Variants in MED12L observed in about 807,000 individuals in gnomAD.
The protein encoded by MED12L is mediator of RNA polymerase II transcription subunit 12-like protein.
In MED12L, 60 loss-of-function variants were observed where a neutral mutation model predicts 281.3. That is an observed-to-expected ratio of 0.21 (90% CI 0.17 to 0.26). MED12L has a LOEUF of 0.26. MED12L is among the 10% of genes least tolerant of loss of function. MED12L has a pLI of 1.00. For missense variants in MED12L, 2,146 were observed against 2,680.9 expected, an observed-to-expected ratio of 0.80 and a Z score of 4.41; for synonymous variants, 974 against 987.2, an observed-to-expected ratio of 0.99 and a Z score of 0.25.
intron 5 of MED12L, among the ~76,000 whole-genome samples, chr3:151,153,602 T>C (rs1262399224): frequency 3.7e-5 from 5 of 136,404 alleles, no homozygotes; most frequent in African/African-American, 5.9e-5. Context: ...AGACTCTTGC[T>C]CTGTTGCCCA....
At chr3:151,373,708 T>C (rs1027522214) in intron 27 of MED12L, among the ~76,000 whole-genome samples, 6 of 152,296 alleles carry the variant, frequency 3.9e-5, no homozygotes, top group Admixed American at 3.9e-4. Flanking sequence ...GTTCAGACTG[T>C]CCCAGATTTG....
At chr3:151,099,681 C>T (rs538722769) in intron 2 of MED12L, among the ~76,000 whole-genome samples, 1 of 151,942 alleles carries the variant, frequency 6.6e-6, no homozygotes, top group South Asian at 2.1e-4. Context: ...TGGAAAACTA[C>T]TTGTTTAGAC....
At position 151,332,421 on chromosome 3, in the gene MED12L, G is replaced by C. The variant is rs1044803257; in HGVS notation, c.2251-17638G>C. ...ATTGTTTTAAAAATTCCATACAAGA[G>C]TAACTAAAAGTGGTAAACTAAAAGT... On this transcript the variant is annotated intron_variant, in intron 16 of 44. Transcript: ENST00000687756. Among the ~76,000 whole-genome samples the C allele has an allele frequency of 5.9e-5, 9 of 152,244 alleles. No homozygotes were observed. The East Asian group carries it at 1.2e-3, about 20-fold the overall frequency.
At chr3:151,242,728 C>T (rs544055857) in intron 16 of MED12L, among the ~76,000 whole-genome samples, 21 of 152,224 alleles carry the variant, frequency 1.4e-4, no homozygotes, top group African/African-American at 3.6e-4. Flanking sequence ...TCCAAAGGAA[C>T]GCAGTTCCTC....
intron 4 of MED12L, among the ~76,000 whole-genome samples, chr3:151,124,497 G>A (rs1358155489): frequency 1.3e-5 from 2 of 152,190 alleles, no homozygotes; most frequent in Non-Finnish European, 2.9e-5. Flanking sequence ...ATCTTCTTGA[G>A]ATGGTGAAAT....
intron 16 of MED12L, among the ~76,000 whole-genome samples, chr3:151,280,018 A>G (rs773346073): frequency 1.3e-5 from 2 of 152,078 alleles, no homozygotes; most frequent in Admixed American, 6.5e-5. Context: ...GGTGTTTCAC[A>G]TAGATGTTAT....
chr3:151,283,228 T>C (rs1743043177), intron 16 of MED12L, among the ~76,000 whole-genome samples: 1 of 152,232 alleles, frequency 6.6e-6, no homozygotes, highest in Non-Finnish European at 1.5e-5. Flanking sequence ...GATACTAACG[T>C]TGAGTCATGG....
intron 16 of MED12L, among the ~76,000 whole-genome samples, chr3:151,336,289 A>G (rs912185164): frequency 6.6e-6 from 1 of 152,190 alleles, no homozygotes; most frequent in South Asian, 2.1e-4. Context: ...CTGTCTCTGT[A>G]TCTCCACTGA....
At chr3:151,161,644 T>C (rs1720004027) in intron 8 of MED12L, among the ~76,000 whole-genome samples, 1 of 152,356 alleles carries the variant, frequency 6.6e-6, no homozygotes, top group Non-Finnish European at 1.5e-5. Context: ...CAACGTATGT[T>C]ATTAAGTCAT....
chr3:151,132,242 G>T (rs558285104), intron 5 of MED12L, among the ~76,000 whole-genome samples: 1 of 152,200 alleles, frequency 6.6e-6, no homozygotes, highest in African/African-American at 2.4e-5. Context: ...ACTTTTATCA[G>T]TGCTGCCACT....
At chr3:151,159,158 T>C (rs1391902561) in intron 7 of MED12L, among the ~76,000 whole-genome samples, 4 of 152,268 alleles carry the variant, frequency 2.6e-5, no homozygotes, top group Non-Finnish European at 4.4e-5. Context: ...GGGGATCTTC[T>C]ACATTCTTTT....
intron 5 of MED12L, among the ~76,000 whole-genome samples, chr3:151,136,697 C>T (rs1716183963): frequency 6.6e-6 from 1 of 152,126 alleles, no homozygotes; most frequent in Admixed American, 6.5e-5. Context: ...TTGGGAATGG[C>T]AAGATGTAGG....
At chr3:151,226,644 G>C (rs1373823343) in intron 16 of MED12L, among the ~76,000 whole-genome samples, 1 of 152,082 alleles carries the variant, frequency 6.6e-6, no homozygotes, top group Non-Finnish European at 1.5e-5. Context: ...GTGCATGTGT[G>C]TATGTTTGAG....
intron 16 of MED12L, among the ~76,000 whole-genome samples, chr3:151,195,175 G>A (rs187641992): frequency 2.0e-5 from 3 of 152,150 alleles, no homozygotes; most frequent in Admixed American, 2.0e-4. Flanking sequence ...AATAGAAAAA[G>A]TAATTGTAGA....
At chr3:151,323,457 A>G (rs1368065063) in intron 16 of MED12L, among the ~76,000 whole-genome samples, 2 of 152,124 alleles carry the variant, frequency 1.3e-5, no homozygotes, top group Admixed American at 6.6e-5. Flanking sequence ...TCCCAAATGT[A>G]TTCCCTATGT....
At chr3:151,192,700 T>C (rs2149104569) in intron 15 of MED12L, 46 bp downstream of exon 15, 1 of 1,181,328 alleles carries the variant, frequency 8.5e-7, no homozygotes, top group Non-Finnish European at 1.2e-6. Flanking sequence ...AATTAACCCG[T>C]TCCCATCCCA....
At chr3:151,158,052 G>C (rs1719511776) in intron 6 of MED12L, among the ~76,000 whole-genome samples, 1 of 152,178 alleles carries the variant, frequency 6.6e-6, no homozygotes, top group Non-Finnish European at 1.5e-5. Flanking sequence ...ATCAAGATTA[G>C]TGGTCTCTAT....
At chr3:151,365,808 T>C in intron 22 of MED12L, 42 bp from the exon 23 acceptor site, 1 of 1,527,690 alleles carries the variant, frequency 6.5e-7, no homozygotes, top group Non-Finnish European at 8.8e-7. Flanking sequence ...GTATTTCTCT[T>C]TTGTACAAGG....
chr3:151,161,636 A>G (rs561853744), intron 8 of MED12L, among the ~76,000 whole-genome samples: 2 of 152,336 alleles, frequency 1.3e-5, no homozygotes, highest in South Asian at 2.1e-4. Context: ...CTAAGTTGCA[A>G]CGTATGTTAT....
Sources: allele counts gnomAD v4.1 joint callset (sites outside exome capture counted in the v4.1 genomes callset), GRCh38; gene constraint gnomAD v4.1.1; transcripts MANE v1.5; gene names NCBI Gene and HGNC (gene_info 2026-07-23, HGNC 2026-07-21).